The following CALU variants were observed in gnomAD, a reference collection of about 807,000 sequenced individuals.
CALU encodes IEF SSP 9302.
A neutral mutation model predicts 37.5 loss-of-function variants in CALU; 13 were observed. That is an observed-to-expected ratio of 0.35 (90% CI 0.23 to 0.55). CALU has a LOEUF of 0.55. Among genes scored for constraint, CALU ranks in the 20% least tolerant of loss-of-function variants. The probability of loss-of-function intolerance (pLI) is 0.89; values close to 1 mark genes in which losing one functional copy is unlikely to be tolerated. For synonymous variants in CALU, 114 were observed against 133.8 expected (o/e 0.85, Z 1.02); for missense variants, 282 against 391.7 (o/e 0.72, Z 2.36).
chr7:128,770,688 A>G lies in CALU; in HGVS notation c.*1521A>G, dbSNP rs960616703. 3 of 152,512 alleles carry G rather than the reference A, an allele frequency of 2.0e-5. No individual in the cohort carries two copies. The highest frequency in any genetic ancestry group is 3.2e-3 in the Middle Eastern group (1 of 316). The allele number at this position is 152,512 out of a possible 1,614,324, so 9.4% of individuals were successfully genotyped here. A position where few individuals can be genotyped will look rare whatever the true frequency, so the allele number is the denominator to read the frequency against. ...CACCCTTTGTTCCCAACTCCACTTT[A>G]CCCATATTTTATGCAACACAAACAC... On this transcript the variant is annotated 3_prime_UTR_variant, in exon 7 of 7. Transcript: ENST00000249364.
At chr7:128,740,605 C>T (rs1584995418) in intron 1 of CALU, among the ~76,000 whole-genome samples, 1 of 117,988 alleles carries the variant, frequency 8.5e-6, no homozygotes, top group Non-Finnish European at 1.6e-5. Context: ...TTGTATTTGT[C>T]AAGAAAATGA....
rs145707443 is a variant in CALU, at chr7:128,759,653, G to GCATA, written c.583-115_583-112dup. On this transcript the variant is annotated intron_variant, in intron 4 of 6. Transcript: ENST00000249364. ...TGGTTTTAACCATACAGACACACAT[G>GCATA]CATACATACATACATACATACATAC... 2,773 of 590,972 alleles carry GCATA rather than the reference G, an allele frequency of 4.7e-3. 48 individuals carry two copies. Among genetic ancestry groups the GCATA allele is most frequent in the South Asian group, 0.037 (2,177 of 58,404 alleles). 36.6% of individuals were successfully genotyped at this position (590,972 alleles called of 1,614,324 possible). A position where few individuals can be genotyped will look rare whatever the true frequency, so the allele number is the denominator to read the frequency against.
At chr7:128,749,663 G>A (rs1433271894) in intron 2 of CALU, among the ~76,000 whole-genome samples, 1 of 152,152 alleles carries the variant, frequency 6.6e-6, no homozygotes, top group Non-Finnish European at 1.5e-5. Context: ...TTGATCATAA[G>A]ACGTTGTAGG....
intron 1 of CALU, 149 bp from the exon 2 acceptor site, chr7:128,748,424 A>G (rs1376869282): frequency 1.5e-6 from 2 of 1,294,218 alleles, no homozygotes; most frequent in African/African-American, 1.5e-5. Context: ...TACTTATTTT[A>G]TGGATGAAGT....
rs531787564 is a variant in CALU at position 128,765,097 on chromosome 7, A to G, written c.644-2359A>G. Among the ~76,000 whole-genome samples the G allele has an allele frequency of 4.6e-5, 7 of 152,120 alleles. No individual in the cohort carries two copies. The South Asian group carries it at 1.3e-3, about 27-fold the overall frequency. On this transcript the variant is annotated intron_variant, in intron 5 of 6. Transcript: ENST00000249364. ...GCTGATTTTTTTTATTATTATTCTT[A>G]TAGACATGGGTCTCCCTACATTGCC...
chr7:128,746,369 G>A (rs955389477), intron 1 of CALU, among the ~76,000 whole-genome samples: 3 of 151,580 alleles, frequency 2.0e-5, no homozygotes, highest in African/African-American at 7.3e-5. Flanking sequence ...TATTTCCCAG[G>A]GTGGTCTCGA....
intron 5 of CALU, among the ~76,000 whole-genome samples, chr7:128,766,208 C>T (rs1451402479): frequency 1.3e-5 from 2 of 152,020 alleles, no homozygotes; most frequent in African/African-American, 2.4e-5. Flanking sequence ...GTGATCCACC[C>T]GCCTCAGCCT....
chr7:128,772,677 A>AT lies in CALU; in HGVS notation c.*3512dup, dbSNP rs1562887086. 1.2e-6 allele frequency: 2 copies of AT among 1,614,022 alleles called. No individual in the cohort carries two copies. The highest frequency in any genetic ancestry group is 2.2e-5 in the South Asian group (2 of 91,082). ...GCTTGGAACTGGAGAGAAAGGTACA[A>AT]TTGGAGATAACCTTGGCAGATGAGG... On this transcript the variant is annotated 3_prime_UTR_variant, in exon 7 of 7. Transcript: ENST00000249364.
intron 3 of CALU, among the ~76,000 whole-genome samples, chr7:128,756,776 C>T (rs1192155496): frequency 6.6e-6 from 1 of 152,080 alleles, no homozygotes; most frequent in African/African-American, 2.4e-5. Context: ...TAGGTTTTGT[C>T]ATTAAAAATA....
intron 2 of CALU, among the ~76,000 whole-genome samples, chr7:128,751,955 G>C (rs1019413225): frequency 3.3e-5 from 5 of 152,072 alleles, no homozygotes; most frequent in Admixed American, 2.6e-4. Context: ...GCGTCCATAG[G>C]GTTCTCCCCT....
chr7:128,746,900 C>T (rs1800467579), intron 1 of CALU, among the ~76,000 whole-genome samples: 1 of 151,150 alleles, frequency 6.6e-6, no homozygotes, highest in Admixed American at 6.6e-5. Context: ...TCCCAAGTAG[C>T]TGGGACTACA....
rs555522848 is a variant in CALU, at chr7:128,760,319, T to TA, written c.643+470dup. On this transcript the variant is annotated intron_variant, in intron 5 of 6. Transcript: ENST00000249364. ...AGACCAGTGTGATAGTGGGTTGTGA[T>TA]AAAGTATCCGTAGCCACATTGCCCA... Among the ~76,000 whole-genome samples the TA allele has an allele frequency of 2.1e-4, 32 of 152,354 alleles. No individual in the cohort carries two copies. In the East Asian group the frequency reaches 4.2e-3, roughly 20 times the overall value.
intron 2 of CALU, among the ~76,000 whole-genome samples, chr7:128,751,015 C>T (rs538101485): frequency 1.4e-4 from 21 of 152,074 alleles, no homozygotes; most frequent in African/African-American, 5.1e-4. Flanking sequence ...TCTGGCTGGG[C>T]GCAATGGCTC....
At chr7:128,745,949 T>C (rs1800415640) in intron 1 of CALU, among the ~76,000 whole-genome samples, 1 of 152,228 alleles carries the variant, frequency 6.6e-6, no homozygotes, top group Non-Finnish European at 1.5e-5. Flanking sequence ...AGGTTACCAC[T>C]GTTTACACAT....
intron 3 of CALU, among the ~76,000 whole-genome samples, chr7:128,755,491 A>AT (rs1338407212): frequency 3.9e-5 from 6 of 152,160 alleles, no homozygotes; most frequent in Non-Finnish European, 7.3e-5. Context: ...CCTTAATAAA[A>AT]TTTAACTATT....
intron 2 of CALU, among the ~76,000 whole-genome samples, chr7:128,753,361 T>C (rs1800749327): frequency 6.6e-6 from 1 of 152,210 alleles, no homozygotes; most frequent in Non-Finnish European, 1.5e-5. Context: ...TAGGATGACT[T>C]TGCCCCTATA....
In CALU at chr7:128,739,373, G is replaced by C. The variant is rs1454961995; in HGVS notation, c.-71G>C. 2 of 152,606 alleles carry C rather than the reference G, an allele frequency of 1.3e-5. No individual in the cohort carries two copies. The highest frequency in any genetic ancestry group is 2.9e-5 in the Non-Finnish European group (2 of 68,364). 9.5% of individuals were successfully genotyped at this position (152,606 alleles called of 1,614,324 possible). A position where few individuals can be genotyped will look rare whatever the true frequency, so the allele number is the denominator to read the frequency against. On this transcript the variant is annotated 5_prime_UTR_variant, in exon 1 of 7. Transcript: ENST00000249364. ...GGTTGGGCGGTGCTTGCGCGCGTGA[G>C]CTGAGCCGGTGGGTGAGCGGCGGCC...
In CALU at chr7:128,771,718, G is replaced by A. The variant is rs1032654680; in HGVS notation, c.*2551G>A. The A allele has an allele frequency of 9.9e-5, 15 of 152,090 alleles. No homozygotes were observed. Among genetic ancestry groups the A allele is most frequent in the African/African-American group, 2.7e-4 (11 of 41,414 alleles). 9.4% of individuals were successfully genotyped at this position (152,090 alleles called of 1,614,324 possible). On this transcript the variant is annotated 3_prime_UTR_variant, in exon 7 of 7. Transcript: ENST00000249364. Reference sequence around the variant, plus strand: ...GTATAACTGGAGAGACCTGCTGCTCGTTATATAATTATCTGATACCAAACA... The same window carrying A: ...GTATAACTGGAGAGACCTGCTGCTCATTATATAATTATCTGATACCAAACA...
chr7:128,767,793 G>A (rs530915943), intron 6 of CALU, 138 bp downstream of exon 6: 43 of 696,064 alleles, frequency 6.2e-5, no homozygotes, highest in Admixed American at 1.9e-4. Context: ...TGAATCTGGC[G>A]ATTAAAACCT....
Sources: allele counts gnomAD v4.1 joint callset (sites outside exome capture counted in the v4.1 genomes callset), GRCh38; gene constraint gnomAD v4.1.1; transcripts MANE v1.5; gene names NCBI Gene and HGNC (gene_info 2026-07-23, HGNC 2026-07-21).